NUBPL: variants seen among roughly 807,000 people sequenced by gnomAD.
The protein encoded by NUBPL is iron-sulfur cluster transfer protein NUBPL.
Under a neutral mutation model 45.7 loss-of-function variants are expected in NUBPL, and 31 were observed. That is an observed-to-expected ratio of 0.68 (90% CI 0.51 to 0.92). The LOEUF (loss-of-function observed/expected upper bound fraction) is 0.92, where lower values mean the gene tolerates loss of function less well. Among genes scored for constraint, NUBPL ranks in the 40% least tolerant of loss-of-function variants. The pLI is 0.00. For synonymous variants in NUBPL, 144 were observed against 140.9 expected, an observed-to-expected ratio of 1.02 and a Z score of -0.15; for missense variants, 401 against 398.7, an observed-to-expected ratio of 1.01 and a Z score of -0.05.
At chr14:31,645,302 G>A (rs1020977291) in intron 4 of NUBPL, among the ~76,000 whole-genome samples, 4 of 152,000 alleles carry the variant, frequency 2.6e-5, no homozygotes, top group African/African-American at 7.2e-5. Context: ...TCCTGACCTC[G>A]TGATCCGCCC....
chr14:31,809,258 C>T (rs990548158), intron 7 of NUBPL, among the ~76,000 whole-genome samples: 3 of 151,948 alleles, frequency 2.0e-5, no homozygotes, highest in Non-Finnish European at 4.4e-5. Flanking sequence ...GGACATTTTT[C>T]GGTTGGTAGG....
chr14:31,745,044 T>TTTTTATTTTTA (rs138415624), intron 6 of NUBPL, among the ~76,000 whole-genome samples: 6 of 150,452 alleles, frequency 4.0e-5, no homozygotes, highest in African/African-American at 1.5e-4. Context: ...TTATTTCTTT[T>TTTTTATTTTTA]TTTTTATTTT....
At chr14:31,711,970 G>A (rs1332606918) in intron 6 of NUBPL, among the ~76,000 whole-genome samples, 3 of 152,188 alleles carry the variant, frequency 2.0e-5, no homozygotes, top group Non-Finnish European at 4.4e-5. Flanking sequence ...GACCTTCGCA[G>A]TGAGTGTTAG....
chr14:31,563,327 A>G (rs1036890620), intron 2 of NUBPL, among the ~76,000 whole-genome samples: 1 of 152,190 alleles, frequency 6.6e-6, no homozygotes, highest in Non-Finnish European at 1.5e-5. Context: ...GTAGGCTGGC[A>G]CTTGTTTAAG....
chr14:31,821,855 T>G (rs1034270146), intron 7 of NUBPL, among the ~76,000 whole-genome samples: 7 of 152,212 alleles, frequency 4.6e-5, no homozygotes, highest in Non-Finnish European at 1.0e-4. Flanking sequence ...CATTTAGCTT[T>G]GAAAAGAATG....
At chr14:31,691,231 A>C (rs986948153) in intron 6 of NUBPL, among the ~76,000 whole-genome samples, 1 of 152,232 alleles carries the variant, frequency 6.6e-6, no homozygotes, top group African/African-American at 2.4e-5. Context: ...GATCACGAGG[A>C]TGAAGACTTT....
intron 6 of NUBPL, among the ~76,000 whole-genome samples, chr14:31,767,452 A>T (rs571261414): frequency 6.6e-6 from 1 of 152,190 alleles, no homozygotes; most frequent in South Asian, 2.1e-4. Context: ...TGACCTCATG[A>T]TCCGCCCGCC....
intron 4 of NUBPL, 86 bp from the exon 5 acceptor site, chr14:31,673,269 T>C: frequency 1.7e-6 from 2 of 1,205,816 alleles, no homozygotes; most frequent in Non-Finnish European, 2.3e-6. Flanking sequence ...AAAAAAATTT[T>C]TAAAAAGATG....
chr14:31,801,134 C>G (rs1358653235), intron 7 of NUBPL: 1 of 152,386 alleles, frequency 6.6e-6, no homozygotes, highest in African/African-American at 2.4e-5. Context: ...GAAGCTATGG[C>G]TCTTGCCAGA....
chr14:31,825,852 TTTCTTCC>T (rs1278491137), intron 7 of NUBPL, among the ~76,000 whole-genome samples: 4 of 151,766 alleles, frequency 2.6e-5, no homozygotes, highest in African/African-American at 9.7e-5. Flanking sequence ...TTTCTTCTTT[TTTCTTCC>T]ATTTTTTTTT....
At chr14:31,704,893 C>G (rs1349649754) in intron 6 of NUBPL, among the ~76,000 whole-genome samples, 2 of 152,154 alleles carry the variant, frequency 1.3e-5, no homozygotes, top group Non-Finnish European at 2.9e-5. Flanking sequence ...CTGAGTGTTA[C>G]AGTTCTTAAA....
intron 4 of NUBPL, among the ~76,000 whole-genome samples, chr14:31,599,675 A>T (rs2034375182): frequency 6.6e-6 from 1 of 152,348 alleles, no homozygotes; most frequent in South Asian, 2.1e-4. Flanking sequence ...GGCTATAAGT[A>T]CATTTAAGAA....
intron 6 of NUBPL, among the ~76,000 whole-genome samples, chr14:31,677,410 G>T (rs1365937104): frequency 6.6e-6 from 1 of 151,930 alleles, no homozygotes; most frequent in East Asian, 1.9e-4. Flanking sequence ...TAATTTTTAG[G>T]TACCACAGAT....
chr14:31,577,466 T>C (rs1270359331), intron 3 of NUBPL, among the ~76,000 whole-genome samples: 1 of 152,172 alleles, frequency 6.6e-6, no homozygotes, highest in Non-Finnish European at 1.5e-5. Flanking sequence ...CAGGCTAGAG[T>C]GCAGTGGCCT....
chr14:31,574,557 G>A (rs1461963646), intron 3 of NUBPL, among the ~76,000 whole-genome samples: 3 of 134,106 alleles, frequency 2.2e-5, no homozygotes, highest in Non-Finnish European at 3.2e-5. Flanking sequence ...AAGCCACTGC[G>A]CCTGGCCTAC....
intron 4 of NUBPL, among the ~76,000 whole-genome samples, chr14:31,648,690 G>C (rs8022287): frequency 0.035 from 5,260 of 152,242 alleles, 284 homozygotes; most frequent in African/African-American, 0.12. Flanking sequence ...ATTTGGTTGT[G>C]AACGAAGGAA....
At chr14:31,638,090 T>G (rs1438396092) in intron 4 of NUBPL, among the ~76,000 whole-genome samples, 1 of 152,138 alleles carries the variant, frequency 6.6e-6, no homozygotes. Context: ...CCATTTACAT[T>G]TAAAGTTAAT....
intron 4 of NUBPL, among the ~76,000 whole-genome samples, chr14:31,657,985 T>A (rs1426861862): frequency 6.6e-6 from 1 of 152,146 alleles, no homozygotes; most frequent in East Asian, 1.9e-4. Flanking sequence ...ACAGAAAGAT[T>A]GAGAATAACA....
chr14:31,779,211 C>T (rs767124068), intron 6 of NUBPL, among the ~76,000 whole-genome samples: 3 of 151,990 alleles, frequency 2.0e-5, no homozygotes, highest in Non-Finnish European at 4.4e-5. Context: ...CATGGTGGTG[C>T]ATGCCTGTAA....
Sources: allele counts gnomAD v4.1 joint callset (sites outside exome capture counted in the v4.1 genomes callset), GRCh38; gene constraint gnomAD v4.1.1; transcripts MANE v1.5; gene names NCBI Gene and HGNC (gene_info 2026-07-23, HGNC 2026-07-21).